The following AGFG1 variants were observed in gnomAD, a reference collection of about 807,000 sequenced individuals.
AGFG1 encodes the protein ArfGAP with FG repeats 1.
In AGFG1, 10 loss-of-function variants were observed where a neutral mutation model predicts 60.6. The observed-to-expected ratio is 0.16, with a 90% CI of 0.10 to 0.28. The LOEUF (loss-of-function observed/expected upper bound fraction) is 0.28. Among genes scored for constraint, AGFG1 ranks in the 10% least tolerant of loss-of-function variants. The probability of loss-of-function intolerance (pLI) is 1.00; values close to 1 mark genes in which losing one functional copy is unlikely to be tolerated. For missense variants in AGFG1, 537 were observed against 676.5 expected (o/e 0.79, Z 2.29); for synonymous variants, 247 against 242.9 (o/e 1.02, Z -0.16).
chr2:227,525,057 T>C, intron 5 of AGFG1, 142 bp downstream of exon 5: 1 of 932,554 alleles, frequency 1.1e-6, no homozygotes, highest in East Asian at 2.6e-5. Context: ...CTGTAATATG[T>C]AACCATATAA....
At chr2:227,476,805 T>C (rs1690295053) in intron 1 of AGFG1, among the ~76,000 whole-genome samples, 1 of 152,196 alleles carries the variant, frequency 6.6e-6, no homozygotes. Context: ...TTTATATTCT[T>C]AATTCCTTTT....
At chr2:227,499,891 G>A (rs192743951) in intron 2 of AGFG1, among the ~76,000 whole-genome samples, 16 of 152,300 alleles carry the variant, frequency 1.1e-4, no homozygotes, top group African/African-American at 2.6e-4. Flanking sequence ...GGACACGGAC[G>A]CAGCCCGAGT....
At chr2:227,491,402 A>T in intron 1 of AGFG1, 145 bp from the exon 2 acceptor site, 1 of 491,952 alleles carries the variant, frequency 2.0e-6, no homozygotes, top group Non-Finnish European at 3.6e-6. Flanking sequence ...AATAGTTTAA[A>T]ATAATTTAAA....
At chr2:227,510,263 T>C (rs1303429778) in intron 2 of AGFG1, among the ~76,000 whole-genome samples, 3 of 151,886 alleles carry the variant, frequency 2.0e-5, no homozygotes, top group Non-Finnish European at 4.4e-5. Flanking sequence ...CACACACACA[T>C]GCACACGCAC....
chr2:227,476,051 CT>C (rs943203887), intron 1 of AGFG1, among the ~76,000 whole-genome samples: 11 of 152,048 alleles, frequency 7.2e-5, no homozygotes, highest in Admixed American at 2.0e-4. Flanking sequence ...AGACTTGGAG[CT>C]AATCTTTCTT....
intron 2 of AGFG1, among the ~76,000 whole-genome samples, chr2:227,498,378 A>C (rs185309407): frequency 9.4e-4 from 143 of 152,348 alleles, no homozygotes; most frequent in Non-Finnish European, 1.7e-3. Flanking sequence ...TTTAAACTAC[A>C]AAATTAATTA....
chr2:227,524,798 G>C lies in AGFG1; in HGVS notation c.577G>C (p.Glu193Gln), dbSNP rs1051000722. The change falls in exon 5 of 13, where the codon GAG becomes CAG. Residue 193 changes from glutamate (E) to glutamine (Q), a missense_variant. This residue lies in a region of AGFG1 where 102 missense variants were observed against 82.9 expected (regional missense o/e 1.23). Coordinates refer to ENST00000310078, the MANE Select transcript of AGFG1 (RefSeq NM_004504.5). Reference sequence around the variant, plus strand: ...AGGTCGTTCTCAAGGGCAGCAGCAGGAGAAGAAGCAATTTGACCTTTTAAG... The same window carrying C: ...AGGTCGTTCTCAAGGGCAGCAGCAGCAGAAGAAGCAATTTGACCTTTTAAG... Reference protein sequence around the residue: ...VVGRSQGQQQEKKQFDLLSDL... With the variant: ...VVGRSQGQQQQKKQFDLLSDL... 2.5e-6 allele frequency: 4 copies of C among 1,614,110 alleles called. No individual in the cohort carries two copies. Among genetic ancestry groups the C allele is most frequent in the Middle Eastern group, 1.7e-4 (1 of 6,058 alleles).
chr2:227,531,000 A>T (rs1407630783), intron 5 of AGFG1, 91 bp from the exon 6 acceptor site: 1 of 1,196,464 alleles, frequency 8.4e-7, no homozygotes, highest in East Asian at 2.7e-5. Context: ...ATACATAGAA[A>T]CTTTTCATAT....
At position 227,535,554 on chromosome 2, in the gene AGFG1, C is replaced by CT. The variant is rs541938548; in HGVS notation, c.1205+530dup. Among the ~76,000 whole-genome samples the CT allele has an allele frequency of 2.4e-4, 36 of 152,298 alleles. No homozygotes were observed. In the South Asian group the frequency reaches 6.8e-3, roughly 29 times the overall value. On this transcript the variant is annotated intron_variant, in intron 8 of 12. Coordinates refer to ENST00000310078, the MANE Select transcript of AGFG1 (RefSeq NM_004504.5). ...GTTAGAATTCTTGGCAGTAGGAAGTCTAACACATTTTAGGACATTACACTT... is the reference window on the plus strand; with the variant it reads ...GTTAGAATTCTTGGCAGTAGGAAGTCTTAACACATTTTAGGACATTACACTT...
chr2:227,508,298 A>G (rs1256937782), intron 2 of AGFG1: 3 of 192,688 alleles, frequency 1.6e-5, no homozygotes, highest in Non-Finnish European at 3.3e-5. Context: ...TAAATAATGG[A>G]TGAGTGTATT....
At chr2:227,546,479 C>T (rs112719235) in intron 10 of AGFG1, among the ~76,000 whole-genome samples, 16 of 152,256 alleles carry the variant, frequency 1.1e-4, no homozygotes, top group East Asian at 9.7e-4. Context: ...GCTCACACTC[C>T]GTGGGCTACA....
intron 6 of AGFG1, among the ~76,000 whole-genome samples, chr2:227,532,862 T>C (rs1455748885): frequency 6.6e-6 from 1 of 152,156 alleles, no homozygotes; most frequent in Non-Finnish European, 1.5e-5. Flanking sequence ...ACAGGATATA[T>C]ATAATAGTGG....
At chr2:227,487,048 G>A (rs553433963) in intron 1 of AGFG1, among the ~76,000 whole-genome samples, 1 of 152,284 alleles carries the variant, frequency 6.6e-6, no homozygotes, top group South Asian at 2.1e-4. Context: ...ATGCTGGTGG[G>A]TATCACAGGA....
Position 227,554,551 on chromosome 2 carries a change from C to A in AGFG1, c.*56C>A. On this transcript the variant is annotated 3_prime_UTR_variant, in exon 13 of 13. Transcript: ENST00000310078. Reference sequence around the variant, plus strand: ...TTTATGTGGTCACATTACATCTCTCCACCTCTTGCACTGTTGTCTTGTTTC... The same window carrying A: ...TTTATGTGGTCACATTACATCTCTCAACCTCTTGCACTGTTGTCTTGTTTC... 1 of 1,350,066 alleles carries A rather than the reference C, an allele frequency of 7.4e-7. No homozygotes were observed. Among genetic ancestry groups the A allele is most frequent in the Non-Finnish European group, 1.0e-6 (1 of 953,076 alleles). 83.6% of individuals were successfully genotyped at this position (1,350,066 alleles called of 1,614,324 possible).
intron 2 of AGFG1, among the ~76,000 whole-genome samples, chr2:227,507,371 G>A (rs1397083310): frequency 1.3e-5 from 2 of 152,002 alleles, no homozygotes; most frequent in Non-Finnish European, 2.9e-5. Flanking sequence ...GGAGGCCGAG[G>A]CAGGTGGATC....
chr2:227,535,161 A>T, intron 8 of AGFG1, 136 bp downstream of exon 8: 2 of 935,628 alleles, frequency 2.1e-6, no homozygotes, highest in Non-Finnish European at 3.0e-6. Flanking sequence ...AGGAATTTGA[A>T]TTTAAATGCT....
chr2:227,549,015 T>G (rs950356638), intron 10 of AGFG1, among the ~76,000 whole-genome samples: 1 of 151,992 alleles, frequency 6.6e-6, no homozygotes, highest in Non-Finnish European at 1.5e-5. Context: ...GTTAACCTTT[T>G]TTTTTTTGTA....
chr2:227,505,959 G>A (rs1691300604), intron 2 of AGFG1, among the ~76,000 whole-genome samples: 1 of 152,092 alleles, frequency 6.6e-6, no homozygotes, highest in Non-Finnish European at 1.5e-5. Flanking sequence ...GGCCAGGCTG[G>A]TCTTGAACTC....
intron 5 of AGFG1, 132 bp downstream of exon 5, chr2:227,525,047 C>A (rs1691950672): frequency 4.0e-6 from 4 of 1,001,892 alleles, no homozygotes; most frequent in Admixed American, 4.6e-5. Flanking sequence ...AACTGTTGAG[C>A]TGTAATATGT....
Sources: allele counts gnomAD v4.1 joint callset (sites outside exome capture counted in the v4.1 genomes callset), GRCh38; gene constraint gnomAD v4.1.1; regional missense constraint gnomAD v4.1.1; transcripts MANE v1.5; gene names NCBI Gene and HGNC (gene_info 2026-07-23, HGNC 2026-07-21).